Variants in MLIP observed in about 807,000 individuals in gnomAD.
MLIP encodes muscular LMNA interacting protein.
MLIP carries 79 observed loss-of-function variants against 84.8 expected under a neutral mutation model. The observed-to-expected ratio is 0.93, with a 90% confidence interval of 0.78 to 1.12. The LOEUF is 1.12. MLIP is among the 50% of genes most tolerant of loss of function. The probability of loss-of-function intolerance (pLI) is 0.00; values close to 1 mark genes in which losing one functional copy is unlikely to be tolerated. For synonymous variants in MLIP, 504 were observed against 463.0 expected (o/e 1.09, Z -1.14); for missense variants, 1,257 against 1,160.6 (o/e 1.08, Z -1.21).
intron 1 of MLIP, among the ~76,000 whole-genome samples, chr6:54,044,556 A>T (rs1582019945): frequency 6.6e-6 from 1 of 152,280 alleles, no homozygotes; most frequent in East Asian, 1.9e-4. Flanking sequence ...TGTTGTTCAA[A>T]CACATAGGTA....
intron 3 of MLIP, among the ~76,000 whole-genome samples, chr6:54,132,051 C>T (rs933701789): frequency 6.6e-6 from 1 of 152,132 alleles, no homozygotes; most frequent in Non-Finnish European, 1.5e-5. Flanking sequence ...CTGCACGTAA[C>T]AAGCCAGTAA....
intron 1 of MLIP, among the ~76,000 whole-genome samples, chr6:54,025,944 C>T (rs1763777733): frequency 1.3e-5 from 2 of 152,190 alleles, no homozygotes; most frequent in South Asian, 4.2e-4. Context: ...CCACTTTTCT[C>T]CAGAGATAGC....
intron 1 of MLIP, among the ~76,000 whole-genome samples, chr6:54,055,383 T>C (rs1582043530): frequency 3.3e-5 from 5 of 152,328 alleles, no homozygotes; most frequent in South Asian, 4.1e-4. Flanking sequence ...AACAGACTTA[T>C]GGTAGAAATT....
intron 1 of MLIP, among the ~76,000 whole-genome samples, chr6:54,075,455 A>C (rs1766745496): frequency 6.6e-6 from 1 of 152,126 alleles, no homozygotes; most frequent in Admixed American, 6.5e-5. Flanking sequence ...CTTCAAGGCA[A>C]CTTTTAATTA....
At chr6:54,105,181 C>T (rs1479812375) in intron 1 of MLIP, among the ~76,000 whole-genome samples, 2 of 152,154 alleles carry the variant, frequency 1.3e-5, no homozygotes, top group Non-Finnish European at 2.9e-5. Context: ...CATTTCACAG[C>T]CCTGAGAATC....
In MLIP at chr6:54,124,527, C is replaced by G. The variant is rs779373806; in HGVS notation, c.307C>G (p.Gln103Glu). ...TGCTGGGAGCCAACAAGAGAGAGAC[C>G]AAGCGAAATTGACTTGTCCTTCAGA... ...LNAGSQQERD[Q>E]AKLTCPSEVS... The change falls in exon 3 of 14, where the codon CAA becomes GAA. Residue 103 changes from glutamine (Q) to glutamate (E), a missense_variant. By Grantham distance (29) the Gln-to-Glu change is conservative. Transcript: ENST00000502396. 25 of 1,614,014 alleles carry G rather than the reference C, an allele frequency of 1.5e-5. No individual in the cohort carries two copies. The highest frequency in any genetic ancestry group is 8.5e-7 in the Non-Finnish European group (1 of 1,180,008).
Position 54,037,321 on chromosome 6 carries a change from C to T in MLIP, c.63+18230C>T, listed in dbSNP as rs549465360. On this transcript the variant is annotated intron_variant, in intron 1 of 12. Coordinates refer to the MLIP transcript ENST00000274897. Reference sequence around the variant, plus strand: ...ACTCTTGCTAATCTTCTATGGCTTTCCTGGACTAACTCTGTAATCCAGCAC... The same window carrying T: ...ACTCTTGCTAATCTTCTATGGCTTTTCTGGACTAACTCTGTAATCCAGCAC... Among the ~76,000 whole-genome samples the T allele has an allele frequency of 2.6e-5, 4 of 152,018 alleles. No homozygotes were observed. In the South Asian group the frequency reaches 8.3e-4, roughly 32 times the overall value.
At chr6:54,025,140 C>T (rs757517071) in intron 1 of MLIP, among the ~76,000 whole-genome samples, 8 of 152,032 alleles carry the variant, frequency 5.3e-5, no homozygotes, top group South Asian at 4.1e-4. Flanking sequence ...TGAGCCGTTG[C>T]GCCCGGCCTG....
intron 12 of MLIP, among the ~76,000 whole-genome samples, chr6:54,232,387 G>A (rs183196144): frequency 2.4e-4 from 37 of 152,208 alleles, no homozygotes; most frequent in African/African-American, 8.2e-4. Context: ...TGTTTGGTTA[G>A]GCTGAGAAGA....
intron 9 of MLIP, among the ~76,000 whole-genome samples, chr6:54,180,820 G>A (rs1223135787): frequency 2.6e-5 from 4 of 152,130 alleles, no homozygotes; most frequent in Non-Finnish European, 2.9e-5. Flanking sequence ...ACATATCCCT[G>A]TTCTTCCATG....
intron 9 of MLIP, among the ~76,000 whole-genome samples, chr6:54,189,532 A>G (rs1385021315): frequency 2.0e-5 from 3 of 152,180 alleles, no homozygotes; most frequent in Non-Finnish European, 4.4e-5. Flanking sequence ...TAAAATGTGA[A>G]GAATACAAAG....
intron 1 of MLIP, among the ~76,000 whole-genome samples, chr6:54,089,094 C>A (rs555187105): frequency 2.8e-4 from 42 of 152,174 alleles, no homozygotes; most frequent in African/African-American, 1.0e-3. Context: ...CAACATTAGC[C>A]TCTTTCTTTT....
chr6:54,205,578 A>G (rs1778980849), intron 11 of MLIP, among the ~76,000 whole-genome samples: 1 of 152,174 alleles, frequency 6.6e-6, no homozygotes, highest in Non-Finnish European at 1.5e-5. Context: ...AAATGTATTT[A>G]CTGTAGTTCA....
chr6:54,254,154 T>C (rs1407987473), intron 12 of MLIP, among the ~76,000 whole-genome samples: 2 of 145,352 alleles, frequency 1.4e-5, no homozygotes, highest in South Asian at 2.2e-4. Context: ...TTACGTGGAG[T>C]GTTGCTCTGT....
At chr6:54,161,431 T>C (rs1774628010) in intron 8 of MLIP, among the ~76,000 whole-genome samples, 1 of 151,974 alleles carries the variant, frequency 6.6e-6, no homozygotes, top group African/African-American at 2.4e-5. Context: ...TTTCATTTGT[T>C]AGGATAAAAT....
In MLIP at chr6:54,229,397, G is replaced by A. The variant is rs541026985; in HGVS notation, c.2719-1317G>A. Among the ~76,000 whole-genome samples, 34 of 152,038 alleles carry A rather than the reference G, an allele frequency of 2.2e-4. No homozygotes were observed. The South Asian group carries it at 5.2e-3, about 23-fold the overall frequency. On this transcript the variant is annotated intron_variant, in intron 11 of 13. Transcript: ENST00000502396. ...AACTTTTAAGTTCCAGGGTATATGT[G>A]CAGGATGTCTAGGTTTATTACATAG...
At chr6:54,160,927 T>C (rs545668820) in intron 8 of MLIP, 128 bp downstream of exon 8, 25 of 755,766 alleles carry the variant, frequency 3.3e-5, no homozygotes, top group Middle Eastern at 3.9e-4. Context: ...GTCTTTTTTG[T>C]AGAATTTTAA....
upstream of MLIP, among the ~76,000 whole-genome samples, chr6:54,109,710 T>C (rs1047325591): frequency 1.3e-5 from 2 of 152,024 alleles, no homozygotes; most frequent in African/African-American, 4.8e-5. Flanking sequence ...TCTTTGCTAC[T>C]CAAAGTGTAA....
At chr6:54,088,532 G>A (rs1477186146) in intron 1 of MLIP, among the ~76,000 whole-genome samples, 2 of 152,130 alleles carry the variant, frequency 1.3e-5, no homozygotes, top group Admixed American at 6.6e-5. Flanking sequence ...AGGGGTCAAA[G>A]AACATTCCAA....
Sources: allele counts gnomAD v4.1 joint callset (sites outside exome capture counted in the v4.1 genomes callset), GRCh38; gene constraint gnomAD v4.1.1; transcripts MANE v1.5; gene names NCBI Gene and HGNC (gene_info 2026-07-23, HGNC 2026-07-21).